Variants in CMSS1 observed in about 807,000 individuals in gnomAD.
The protein encoded by CMSS1 is cms1 ribosomal small subunit homolog.
CMSS1 carries 33 observed loss-of-function variants against 43.5 expected under a neutral mutation model. The ratio of observed to expected loss-of-function variants is 0.76; its 90% CI spans 0.57 to 1.01. The LOEUF (loss-of-function observed/expected upper bound fraction) is 1.01, where lower values mean the gene tolerates loss of function less well. Among genes scored for constraint, CMSS1 ranks in the 50% least tolerant of loss-of-function variants. CMSS1 has a pLI of 0.00. For synonymous variants in CMSS1, 115 were observed against 117.2 expected (o/e 0.98, Z 0.12); for missense variants, 313 against 326.4 (o/e 0.96, Z 0.32).
chr3:99,916,476 ACACACACACG>A (rs1164038036), intron 1 of CMSS1, among the ~76,000 whole-genome samples: 1 of 135,966 alleles, frequency 7.4e-6, no homozygotes, highest in African/African-American at 2.7e-5. Flanking sequence ...ACACACACAC[ACACACACACG>A]TTCTGTTTCT....
intron 1 of CMSS1, among the ~76,000 whole-genome samples, chr3:100,126,467 A>G (rs1014522797): frequency 6.6e-6 from 1 of 152,208 alleles, no homozygotes; most frequent in Non-Finnish European, 1.5e-5. Flanking sequence ...CCTTTTTCAC[A>G]TGGGTTCCTA....
chr3:100,029,212 A>G (rs952127721), intron 1 of CMSS1, among the ~76,000 whole-genome samples: 4 of 151,904 alleles, frequency 2.6e-5, no homozygotes, highest in Non-Finnish European at 4.4e-5. Flanking sequence ...ATTTGTCTAA[A>G]AAGAATTATT....
chr3:99,890,333 ATTTCT>A (rs1411893056), intron 1 of CMSS1, among the ~76,000 whole-genome samples: 1 of 151,850 alleles, frequency 6.6e-6, no homozygotes, highest in Non-Finnish European at 1.5e-5. Context: ...TTAAATGCAG[ATTTCT>A]TTTATTTTGT....
intron 1 of CMSS1, among the ~76,000 whole-genome samples, chr3:100,052,431 T>A (rs115217944): frequency 1.4e-3 from 209 of 152,312 alleles, no homozygotes; most frequent in African/African-American, 4.7e-3. Context: ...GGTGTATCCG[T>A]GTGCATGTCC....
chr3:100,121,322 ATGAG>A lies in CMSS1; in HGVS notation c.65-25649_65-25646del, dbSNP rs577054999. 2.0e-3 allele frequency among the ~76,000 whole-genome samples: 264 copies of A among 132,956 alleles called. 2 individuals carry two copies. The highest frequency in any genetic ancestry group is 1.8e-4 in the Non-Finnish European group (12 of 65,952). 87.2% of individuals were successfully genotyped at this position (132,956 alleles called of 152,430 possible). A position where few individuals can be genotyped will look rare whatever the true frequency, so the allele number is the denominator to read the frequency against. ...TGTTTTCATTGTTCAGCTCCCACTT[ATGAG>A]TAAGAACATGAGGTGTTGGTTTTCT... is the stretch of plus-strand genomic sequence containing the variant. On this transcript the variant is annotated intron_variant, in intron 1 of 9. Transcript: ENST00000421999.
At chr3:99,983,702 A>G (rs1420344270) in intron 1 of CMSS1, among the ~76,000 whole-genome samples, 1 of 150,046 alleles carries the variant, frequency 6.7e-6, no homozygotes, top group East Asian at 1.9e-4. Context: ...AAAAAAAAAA[A>G]AGAAATGAGA....
At chr3:99,854,403 T>C (rs968841957) in intron 1 of CMSS1, among the ~76,000 whole-genome samples, 2 of 152,196 alleles carry the variant, frequency 1.3e-5, no homozygotes, top group Admixed American at 6.5e-5. Flanking sequence ...TTTATGATCT[T>C]CAAAGTAGCA....
At chr3:99,830,683 C>CA (rs1019727226) in intron 1 of CMSS1, 70 of 429,522 alleles carry the variant, frequency 1.6e-4, no homozygotes, top group Non-Finnish European at 3.3e-4. Flanking sequence ...GACATGGAGT[C>CA]AGTTTGGAGG....
intron 1 of CMSS1, among the ~76,000 whole-genome samples, chr3:100,069,366 A>C (rs774463128): frequency 9.9e-5 from 15 of 152,074 alleles, no homozygotes; most frequent in Non-Finnish European, 1.9e-4. Context: ...TTTTTGCAAC[A>C]GCCTTAACTG....
chr3:100,059,446 T>C (rs2065522136), intron 1 of CMSS1, among the ~76,000 whole-genome samples: 1 of 152,210 alleles, frequency 6.6e-6, no homozygotes, highest in African/African-American at 2.4e-5. Flanking sequence ...CTAGCCTTGC[T>C]TCCTTTCATT....
chr3:100,037,960 G>T lies in CMSS1; in HGVS notation c.65-109013G>T, dbSNP rs1168121931. ...TTTTCTTTTTTTTTTTTTTTTTGGG[G>T]GGGGAGGGAACAGAGTCTCAAATCT... On this transcript the variant is annotated intron_variant, in intron 1 of 9. Coordinates refer to ENST00000421999, the MANE Select transcript of CMSS1 (RefSeq NM_032359.4). Among the ~76,000 whole-genome samples, 128 of 129,430 alleles carry T rather than the reference G, an allele frequency of 9.9e-4. 1 individual carries two copies. Among genetic ancestry groups the T allele is most frequent in the Non-Finnish European group, 1.7e-3 (106 of 61,064 alleles). The allele number at this position is 129,430 out of a possible 152,430, so 84.9% of individuals were successfully genotyped here. A position where few individuals can be genotyped will look rare whatever the true frequency, so the allele number is the denominator to read the frequency against.
chr3:99,908,696 TAGG>T (rs1466798780), intron 1 of CMSS1, among the ~76,000 whole-genome samples: 1 of 152,230 alleles, frequency 6.6e-6, no homozygotes, highest in Non-Finnish European at 1.5e-5. Context: ...AAAAGGTTGT[TAGG>T]AGGATTAAAT....
chr3:100,005,547 A>G (rs1319786277), intron 1 of CMSS1, among the ~76,000 whole-genome samples: 1 of 152,246 alleles, frequency 6.6e-6, no homozygotes, highest in African/African-American at 2.4e-5. Context: ...ATGTGAGTGT[A>G]GTGTAATAAA....
In CMSS1 at chr3:100,139,497, C is replaced by T. The variant is rs570410959; in HGVS notation, c.65-7476C>T. 6.2e-5 allele frequency among the ~76,000 whole-genome samples: 9 copies of T among 145,362 alleles called. No homozygotes were observed. The East Asian group carries it at 1.8e-3, about 30-fold the overall frequency. ...AGGAGTTTGAGACCAGCCTGGTCAA[C>T]ATGGTGAAACCCTGTATCTACTAAA... On this transcript the variant is annotated intron_variant, in intron 1 of 9. Coordinates refer to ENST00000421999, the MANE Select transcript of CMSS1 (RefSeq NM_032359.4).
At chr3:99,872,528 C>T (rs925134315) in intron 1 of CMSS1, among the ~76,000 whole-genome samples, 4 of 152,032 alleles carry the variant, frequency 2.6e-5, no homozygotes, top group African/African-American at 9.7e-5. Context: ...CCCAATCATA[C>T]ACTTACCTAT....
chr3:99,920,360 G>A (rs1461806514), intron 1 of CMSS1, among the ~76,000 whole-genome samples: 1 of 152,068 alleles, frequency 6.6e-6, no homozygotes, highest in Non-Finnish European at 1.5e-5. Flanking sequence ...TTTCACTTAT[G>A]GGAAAATTTT....
intron 1 of CMSS1, among the ~76,000 whole-genome samples, chr3:99,925,327 G>A (rs1041326575): frequency 6.6e-6 from 1 of 152,186 alleles, no homozygotes; most frequent in African/African-American, 2.4e-5. Flanking sequence ...TGATCAACCT[G>A]TGGCTGATAC....
At chr3:99,868,415 G>A (rs191585242) in intron 1 of CMSS1, among the ~76,000 whole-genome samples, 1 of 152,282 alleles carries the variant, frequency 6.6e-6, no homozygotes, top group East Asian at 1.9e-4. Context: ...TTTGGCCTGA[G>A]ACAGCCCCCT....
At chr3:99,956,868 A>G (rs181606066) in intron 1 of CMSS1, among the ~76,000 whole-genome samples, 3 of 151,988 alleles carry the variant, frequency 2.0e-5, no homozygotes, top group Admixed American at 2.0e-4. Context: ...CATTGTACTC[A>G]TCTCCTAATT....
Sources: allele counts gnomAD v4.1 joint callset (sites outside exome capture counted in the v4.1 genomes callset), GRCh38; gene constraint gnomAD v4.1.1; transcripts MANE v1.5; gene names NCBI Gene and HGNC (gene_info 2026-07-23, HGNC 2026-07-21).